PPP1R12B: variants seen among roughly 807,000 people sequenced by gnomAD.
PPP1R12B encodes protein phosphatase 1 regulatory subunit 12B.
A neutral mutation model predicts 126.1 loss-of-function variants in PPP1R12B; 76 were observed. That is an observed-to-expected ratio of 0.60 (90% confidence interval 0.50 to 0.73). The LOEUF is 0.73. Ranked by LOEUF, PPP1R12B falls within the 30% of genes least tolerant of loss-of-function variation. The pLI, the probability that PPP1R12B is intolerant of heterozygous loss-of-function variation, is 0.00. For missense variants in PPP1R12B, 1,052 were observed against 1,205.1 expected (o/e 0.87, Z 1.88); for synonymous variants, 356 against 434.7 (o/e 0.82, Z 2.25).
At chr1:202,422,901 A>G (rs1025116945) in intron 3 of PPP1R12B, among the ~76,000 whole-genome samples, 163 bp downstream of exon 3, 1 of 152,238 alleles carries the variant, frequency 6.6e-6, no homozygotes, top group Non-Finnish European at 1.5e-5. Context: ...TATCCTCATA[A>G]TAACTCAGAC....
rs1689703173 is a variant in PPP1R12B at position 202,584,398 on chromosome 1, A to C, written c.*3838A>C. The C allele has an allele frequency of 6.6e-6, 1 of 152,268 alleles. No individual in the cohort carries two copies. Among genetic ancestry groups the C allele is most frequent in the Non-Finnish European group, 1.5e-5 (1 of 68,050 alleles). The allele number at this position is 152,268 out of a possible 1,614,324, so 9.4% of individuals were successfully genotyped here. Reference sequence around the variant, plus strand: ...TATTAGATGGTTCCACTCAGGAAGCAAGGAAGCTAAAACTCAAGTTAATGG... The same window carrying C: ...TATTAGATGGTTCCACTCAGGAAGCCAGGAAGCTAAAACTCAAGTTAATGG... On this transcript the variant is annotated 3_prime_UTR_variant, in exon 24 of 24. Coordinates refer to ENST00000608999, the MANE Select transcript of PPP1R12B (RefSeq NM_002481.4).
At chr1:202,563,626 TAA>T (rs56149958) in intron 20 of PPP1R12B, among the ~76,000 whole-genome samples, 4,431 of 120,264 alleles carry the variant, frequency 0.037, 178 homozygotes, top group African/African-American at 0.11. Context: ...TTGGTGTTAG[TAA>T]AAAAAAAAAA....
rs182374331 is a variant in PPP1R12B, at chr1:202,521,023, C to G, written c.2490+24201C>G. ...ACAAATAGGAGCTGGGCTAATCTAA[C>G]TTATCCCAGCAGTGTCACAGCCAGG... On this transcript the variant is annotated intron_variant, in intron 18 of 23. Transcript: ENST00000608999. Among the ~76,000 whole-genome samples the G allele has an allele frequency of 5.9e-5, 9 of 152,218 alleles. No homozygotes were observed. In the East Asian group the frequency reaches 1.7e-3, roughly 29 times the overall value.
intron 13 of PPP1R12B, among the ~76,000 whole-genome samples, chr1:202,483,652 G>T (rs1677701963): frequency 6.6e-6 from 1 of 152,110 alleles, no homozygotes; most frequent in African/African-American, 2.4e-5. Flanking sequence ...GGAGAATAGA[G>T]AATAAGAGAG....
intron 1 of PPP1R12B, among the ~76,000 whole-genome samples, chr1:202,378,247 CTTTTTTTT>C (rs386369339): frequency 5.4e-5 from 5 of 93,386 alleles, no homozygotes; most frequent in Non-Finnish European, 8.1e-5. Flanking sequence ...TGTCTTCATT[CTTTTTTTT>C]TTTTTTTTTT....
chr1:202,511,764 T>TAC (rs1192714601), intron 18 of PPP1R12B, among the ~76,000 whole-genome samples: 4 of 147,032 alleles, frequency 2.7e-5, no homozygotes, highest in South Asian at 2.2e-4. Flanking sequence ...GATGTATATA[T>TAC]ACCACAATTT....
chr1:202,428,493 A>T (rs1282655344), intron 5 of PPP1R12B: 1 of 194,676 alleles, frequency 5.1e-6, no homozygotes, highest in Non-Finnish European at 1.0e-5. Context: ...ATGTGCCCTG[A>T]ACCTCCCTCT....
chr1:202,530,097 G>T (rs1683774482), intron 18 of PPP1R12B, among the ~76,000 whole-genome samples: 1 of 151,988 alleles, frequency 6.6e-6, no homozygotes, highest in African/African-American at 2.4e-5. Flanking sequence ...AATCAAAAAA[G>T]ATATAATATA....
intron 1 of PPP1R12B, among the ~76,000 whole-genome samples, chr1:202,353,586 TTGTGTG>T (rs58683662): frequency 1.8e-3 from 213 of 120,804 alleles, no homozygotes; most frequent in East Asian, 2.1e-3. Flanking sequence ...TTCTTCTTCT[TTGTGTG>T]TGTGTGTGTG....
chr1:202,453,589 T>A (rs1490862723), intron 13 of PPP1R12B, among the ~76,000 whole-genome samples: 1 of 152,160 alleles, frequency 6.6e-6, no homozygotes, highest in East Asian at 1.9e-4. Flanking sequence ...TATGTATGTA[T>A]GTGTAGTAAG....
At chr1:202,446,523 T>G (rs1672316486) in intron 12 of PPP1R12B, among the ~76,000 whole-genome samples, 1 of 148,570 alleles carries the variant, frequency 6.7e-6, no homozygotes, top group Non-Finnish European at 1.5e-5. Context: ...CCTCCCAAAG[T>G]GCTAAGATTA....
chr1:202,486,040 C>A (rs1678074149), intron 13 of PPP1R12B, among the ~76,000 whole-genome samples: 2 of 152,098 alleles, frequency 1.3e-5, no homozygotes, highest in African/African-American at 4.8e-5. Flanking sequence ...TGCCACTGCA[C>A]CCGGCTAATT....
intron 1 of PPP1R12B, among the ~76,000 whole-genome samples, chr1:202,404,981 A>G (rs956543761): frequency 4.6e-5 from 7 of 152,210 alleles, no homozygotes; most frequent in African/African-American, 1.2e-4. Flanking sequence ...ATCATTTTTT[A>G]TTACTACATC....
At chr1:202,443,161 C>T in intron 12 of PPP1R12B, 2 of 958,366 alleles carry the variant, frequency 2.1e-6, no homozygotes, top group Non-Finnish European at 2.5e-6. Context: ...CATCTGTATT[C>T]CCTTTTCTGC....
At chr1:202,537,367 A>C (rs2148954147) in intron 18 of PPP1R12B, among the ~76,000 whole-genome samples, 1 of 151,996 alleles carries the variant, frequency 6.6e-6, no homozygotes, top group Middle Eastern at 3.4e-3. Context: ...AAAAAAAAAA[A>C]GAAAAAGTAA....
intron 18 of PPP1R12B, among the ~76,000 whole-genome samples, chr1:202,549,599 T>C (rs1182035688): frequency 1.3e-5 from 2 of 152,038 alleles, no homozygotes; most frequent in Non-Finnish European, 1.5e-5. Context: ...TTTGTATTTT[T>C]AGTAGAGACG....
intron 13 of PPP1R12B, among the ~76,000 whole-genome samples, chr1:202,458,710 C>T (rs1035409004): frequency 1.3e-5 from 2 of 152,176 alleles, no homozygotes; most frequent in African/African-American, 2.4e-5. Flanking sequence ...GCTAAATTTT[C>T]CTTCTGAAAG....
At chr1:202,436,269 AAC>A (rs1670804146) in intron 9 of PPP1R12B, among the ~76,000 whole-genome samples, 1 of 136,206 alleles carries the variant, frequency 7.3e-6, no homozygotes, top group South Asian at 2.2e-4. Flanking sequence ...GTGTCTCAAA[AAC>A]AACAACAACA....
chr1:202,460,165 C>A (rs1335283832), intron 13 of PPP1R12B, among the ~76,000 whole-genome samples: 3 of 152,150 alleles, frequency 2.0e-5, no homozygotes, highest in Non-Finnish European at 4.4e-5. Context: ...AATTTTACCT[C>A]TTTTTTAATT....
Sources: gnomAD v4.1 joint callset for allele counts (sites outside exome capture counted in the v4.1 genomes callset) on GRCh38, gnomAD v4.1.1 for gene constraint, MANE v1.5 for transcripts, NCBI Gene and HGNC (gene_info 2026-07-23, HGNC 2026-07-21) for gene names.